The following ABCA7 variants were observed in gnomAD, a reference collection of about 807,000 sequenced individuals.
ABCA7 encodes the protein ATP binding cassette subfamily A member 7.
Under a neutral mutation model 227.6 loss-of-function variants are expected in ABCA7, and 261 were observed. The observed-to-expected ratio is 1.15, with a 90% CI of 1.04 to 1.27. The LOEUF (loss-of-function observed/expected upper bound fraction) is 1.27. ABCA7 is among the 50% of genes most tolerant of loss of function. The pLI is 0.00. For synonymous variants in ABCA7, 1,488 were observed against 1,279.7 expected (o/e 1.16, Z -3.47); for missense variants, 3,331 against 2,924.5 (o/e 1.14, Z -3.21).
At position 1,057,103 on chromosome 19, in the gene ABCA7, C is replaced by T. The variant is rs373335220; in HGVS notation, c.4764+19C>T. On this transcript the variant is annotated intron_variant, in intron 34 of 46. Coordinates refer to ENST00000263094, the MANE Select transcript of ABCA7 (RefSeq NM_019112.4). ...GGACATGGTGCGGGGGCTGCTTGGA[C>T]GGGTGGGGGCCCAGCCACTGCTTGC... 191 of 1,603,408 alleles carry T rather than the reference C, an allele frequency of 1.2e-4. 1 individual carries two copies. Among genetic ancestry groups the T allele is most frequent in the Admixed American group, 1.2e-3 (71 of 59,626 alleles).
rs575918139 is a variant in ABCA7, at chr19:1,048,576, G to A, written c.2270-319G>A. Among the ~76,000 whole-genome samples, 212 of 150,214 alleles carry A rather than the reference G, an allele frequency of 1.4e-3. 1 individual carries two copies. Among genetic ancestry groups the A allele is most frequent in the African/African-American group, 4.7e-3 (194 of 40,848 alleles). On this transcript the variant is annotated intron_variant, in intron 16 of 46. Transcript: ENST00000263094. ...TGCTTTCCCAGCACTTTGGGAGGCC[G>A]AGGTGGGCAGATCACGAGGTCAGGA...
Position 1,065,165 on chromosome 19 carries a change from G to A in ABCA7, c.6279G>A (p.Leu2093=). ...VEDFSVSQTM[L]EEVFLYFSKD... is the part of the protein sequence containing the mutation. ...ACTTTTCCGTGAGCCAGACGATGCT[G>A]GAGGAGGTGATCACGGCGCCGGGGT... The change falls in exon 46 of 47, where the codon CTG becomes CTA. Residue 2093 remains leucine (L), a synonymous_variant. Coordinates refer to ENST00000263094, the MANE Select transcript of ABCA7 (RefSeq NM_019112.4). The A allele has an allele frequency of 1.3e-6, 2 of 1,594,706 alleles. No individual in the cohort carries two copies. The highest frequency in any genetic ancestry group is 1.7e-6 in the Non-Finnish European group (2 of 1,168,620).
At chr19:1,046,465 G>A (rs561905849) in intron 13 of ABCA7, 59 bp downstream of exon 13, 4 of 1,508,444 alleles carry the variant, frequency 2.7e-6, no homozygotes, top group East Asian at 2.3e-5. Context: ...GGGTGTGGGG[G>A]TGGGCCCAGG....
At chr19:1,047,785 T>G in intron 16 of ABCA7, 131 bp downstream of exon 16, 4 of 981,958 alleles carry the variant, frequency 4.1e-6, no homozygotes, top group East Asian at 3.2e-5. Flanking sequence ...CGGGGCTTCT[T>G]GGCACACGCA....
chr19:1,043,267 C>A lies in ABCA7; in HGVS notation c.790+16C>A. 6.2e-7 allele frequency: 1 copy of A among 1,609,134 alleles called. No homozygotes were observed. The highest frequency in any genetic ancestry group is 2.2e-5 in the East Asian group (1 of 44,756). Reference sequence around the variant, plus strand: ...AGCAGCCTGAGTGAGTGACTGACCTCGGTTTCCCCTCTTGGGAAGTGGAAC... The same window carrying A: ...AGCAGCCTGAGTGAGTGACTGACCTAGGTTTCCCCTCTTGGGAAGTGGAAC... On this transcript the variant is annotated intron_variant, in intron 8 of 46. Coordinates refer to ENST00000263094, the MANE Select transcript of ABCA7 (RefSeq NM_019112.4).
intron 40 of ABCA7, 66 bp from the exon 41 acceptor site, chr19:1,061,715 AG>A: frequency 1.6e-4 from 225 of 1,411,428 alleles, no homozygotes; most frequent in South Asian, 6.0e-4. Context: ...AAAAAAAAAA[AG>A]AAATCAGAGA....
chr19:1,045,541 C>T (rs1403792561), intron 12 of ABCA7: 4 of 381,438 alleles, frequency 1.0e-5, no homozygotes, highest in Non-Finnish European at 1.5e-5. Context: ...TAAAATTGCA[C>T]CGGGTGCTGA....
rs111322482 is a variant in ABCA7 at position 1,056,228 on chromosome 19, T to C, written c.4401T>C (p.Ala1467=). The change falls in exon 32 of 47, where the codon GCT becomes GCC. Residue 1467 remains alanine, a synonymous_variant. Coordinates refer to ENST00000263094, the MANE Select transcript of ABCA7 (RefSeq NM_019112.4). The surrounding 1 kb of genome is among the most constrained non-coding windows in gnomAD (Gnocchi z 4.3). ...CAGCCTGGGCTCACAGCCTGGATGC[T>C]CAGGACAGTCTCAAGGTGGGAACTG... The part of the protein sequence containing the change: ...NLTAWAHSLD[A]QDSLKIWFNN... The C allele has an allele frequency of 3.4e-3, 5,412 of 1,597,046 alleles. 153 individuals are homozygous for C. The African/African-American group carries it at 0.062, about 18-fold the overall frequency.
rs1295900894 is a variant in ABCA7 at position 1,053,495 on chromosome 19, C to T, written c.3387C>T (p.Leu1129=). 2 of 1,580,792 alleles carry T rather than the reference C, an allele frequency of 1.3e-6. No homozygotes were observed. The highest frequency in any genetic ancestry group is 1.7e-6 in the Non-Finnish European group (2 of 1,167,640). ...ACACGCGGCTGGCGGAGCTGAGGCT[C>T]ACTGGCTACGGGATCTCCGACACCA... is the stretch of plus-strand genomic sequence containing the variant. ...ELDTRLAELR[L]TGYGISDTSL... The change falls in exon 24 of 47, where the codon CTC becomes CTT. Residue 1129 remains leucine (L), a synonymous_variant. Transcript: ENST00000263094.
At position 1,043,492 on chromosome 19, in the gene ABCA7, C is replaced by T; in HGVS notation, c.930+19C>T. 6.2e-7 allele frequency: 1 copy of T among 1,612,792 alleles called. No homozygotes were observed. Among genetic ancestry groups the T allele is most frequent in the Non-Finnish European group, 8.5e-7 (1 of 1,179,918 alleles). ...GGCCCAGGTGGGGGCAGCCTGGATG[C>T]TGGGGTGGGAGGGTGGTGGCCAGAG... On this transcript the variant is annotated intron_variant, in intron 9 of 46. Coordinates refer to ENST00000263094, the MANE Select transcript of ABCA7 (RefSeq NM_019112.4).
Position 1,042,082 on chromosome 19 carries a change from C to T in ABCA7, c.321C>T (p.Ala107=). The change falls in exon 5 of 47, where the codon GCC becomes GCT. Residue 107 remains alanine (A), a synonymous_variant. Transcript: ENST00000263094. ...FNDSLVSRLL[A]DARTVLGGAS... is the part of the protein sequence containing the mutation. The stretch of plus-strand genomic sequence containing the variant: ...TCCCCAGGGTCTCCCGGCTGCTAGC[C>T]GATGCCCGCACTGTGCTGGGAGGGG... The T allele has an allele frequency of 2.5e-6, 4 of 1,595,540 alleles. No individual in the cohort carries two copies. Among genetic ancestry groups the T allele is most frequent in the Non-Finnish European group, 2.5e-6 (3 of 1,177,486 alleles).
At chr19:1,046,171 G>A in intron 12 of ABCA7, 59 bp from the exon 13 acceptor site, 2 of 1,578,660 alleles carry the variant, frequency 1.3e-6, no homozygotes, top group East Asian at 2.3e-5. Context: ...GTTATTCAGG[G>A]TGGGGCCCCG....
intron 18 of ABCA7, among the ~76,000 whole-genome samples, chr19:1,050,000 TGA>T (rs2041374027): frequency 8.1e-6 from 1 of 123,244 alleles, no homozygotes; most frequent in African/African-American, 3.6e-5. Context: ...TCCCTCCCTG[TGA>T]GCCCCCCACC....
Position 1,047,038 on chromosome 19 carries a change from G to C in ABCA7, c.1845+14G>C. On this transcript the variant is annotated intron_variant, in intron 14 of 46. Transcript: ENST00000263094. ...CTGGTGCTCAAGGTGGGCGCGCCTC[G>C]GCCTGCCCGGCTGCAGAATGGGTGC... 6.4e-7 allele frequency: 1 copy of C among 1,553,940 alleles called. No homozygotes were observed.
intron 10 of ABCA7, among the ~76,000 whole-genome samples, 193 bp from the exon 11 acceptor site, chr19:1,044,384 A>C (rs2040391372): frequency 6.6e-6 from 1 of 151,164 alleles, no homozygotes; most frequent in African/African-American, 2.4e-5. Flanking sequence ...AGTAACTGGG[A>C]TTACAGGCAT....
At position 1,050,837 on chromosome 19, in the gene ABCA7, T is replaced by TAAA. The variant is rs2041544429; in HGVS notation, c.2553-81_2553-79dup. On this transcript the variant is annotated intron_variant, in intron 18 of 46. Transcript: ENST00000263094. Reference sequence around the variant, plus strand: ...TAATAATAAATAATTAAAAATTTTTTAAAAACAGAAATTAAAAATAGAAGC... The same window carrying TAAA: ...TAATAATAAATAATTAAAAATTTTTTAAAAAAAACAGAAATTAAAAATAGAAGC... 2.7e-6 allele frequency: 3 copies of TAAA among 1,095,532 alleles called. No individual in the cohort carries two copies. The African/African-American group carries it at 5.0e-5, about 18-fold the overall frequency. The allele number at this position is 1,095,532 out of a possible 1,614,324, so 67.9% of individuals were successfully genotyped here.
Position 1,062,172 on chromosome 19 carries a change from C to T in ABCA7, c.5571C>T (p.Ser1857=), listed in dbSNP as rs764814616. Residue 1857 remains serine, a splice_region_variant and synonymous_variant, in exon 42 of 47, where the codon AGC becomes AGT. Coordinates refer to ENST00000263094, the MANE Select transcript of ABCA7 (RefSeq NM_019112.4). ...GAGCCCCCGGCGCCCCCATCCCCAG[C>T]GTGGCCCGGGAACCCAGTGCTGCGC... The part of the protein sequence containing the change: ...SRGEAVLAGH[S]VAREPSAAHL... The T allele has an allele frequency of 1.5e-5, 24 of 1,611,402 alleles. No individual in the cohort carries two copies. Among genetic ancestry groups the T allele is most frequent in the African/African-American group, 1.2e-4 (9 of 75,002 alleles).
rs2041618620 is a variant in ABCA7, at chr19:1,051,383, C to T, written c.2825-66C>T. ...GGGGGAAGCCGGGTACTGAGGTCCACGTGGGTAGGCAACCTTGCCCAAGGC... is the reference window on the plus strand; with the variant it reads ...GGGGGAAGCCGGGTACTGAGGTCCATGTGGGTAGGCAACCTTGCCCAAGGC... On this transcript the variant is annotated intron_variant, in intron 20 of 46. Transcript: ENST00000263094. 6 of 712,294 alleles carry T rather than the reference C, an allele frequency of 8.4e-6. No individual in the cohort carries two copies. In the Admixed American group the frequency reaches 1.3e-4, roughly 15 times the overall value. The allele number at this position is 712,294 out of a possible 1,614,324, so 44.1% of individuals were successfully genotyped here.
chr19:1,043,711 G>T lies in ABCA7; in HGVS notation c.931-14G>T. ...GGAGGAGAGGGTCATCAGTGGAGGG[G>T]GTGCTGTCCACAGGTGAACCGGACC... is the stretch of plus-strand genomic sequence containing the variant. On this transcript the variant is annotated splice_polypyrimidine_tract_variant and intron_variant, in intron 9 of 46. Coordinates refer to ENST00000263094, the MANE Select transcript of ABCA7 (RefSeq NM_019112.4). 6.2e-7 allele frequency: 1 copy of T among 1,610,502 alleles called. No homozygotes were observed. Among genetic ancestry groups the T allele is most frequent in the Non-Finnish European group, 8.5e-7 (1 of 1,178,846 alleles).
Sources: gnomAD v4.1 joint callset for allele counts (sites outside exome capture counted in the v4.1 genomes callset) on GRCh38, gnomAD v4.1.1 for gene constraint, Gnocchi (gnomAD v3.1) non-coding constraint, MANE v1.5 for transcripts, NCBI Gene and HGNC (gene_info 2026-07-23, HGNC 2026-07-21) for gene names.